SHISAL1: variants seen among roughly 807,000 people sequenced by gnomAD.
SHISAL1 encodes shisa like 1.
A neutral mutation model predicts 22.6 loss-of-function variants in SHISAL1; 9 were observed. That is an observed-to-expected ratio of 0.40 (90% confidence interval 0.24 to 0.70). The LOEUF (loss-of-function observed/expected upper bound fraction) is 0.70. Ranked by LOEUF, SHISAL1 falls within the 30% of genes least tolerant of loss-of-function variation. The probability of loss-of-function intolerance (pLI) is 0.39; values close to 1 mark genes in which losing one functional copy is unlikely to be tolerated. For synonymous variants in SHISAL1, 119 were observed against 115.4 expected, an observed-to-expected ratio of 1.03 and a Z score of -0.20; for missense variants, 246 against 270.6, an observed-to-expected ratio of 0.91 and a Z score of 0.64.
chr22:44,327,321 C>A, the SHISAL1 span, among the ~76,000 whole-genome samples: 2 of 152,098 alleles, frequency 1.3e-5, no homozygotes, highest in Non-Finnish European at 2.9e-5. Context: ...CCTGGTCTGA[C>A]GCTTTCAGAG....
At chr22:44,286,798 C>T (rs2055318928) in intron 3 of SHISAL1, among the ~76,000 whole-genome samples, 2 of 152,202 alleles carry the variant, frequency 1.3e-5, no homozygotes, top group South Asian at 4.1e-4. Context: ...CTTGCCACAG[C>T]AGCTGGAGCT....
chr22:44,255,419 A>G (rs1291642006), intron 4 of SHISAL1, among the ~76,000 whole-genome samples: 4 of 152,186 alleles, frequency 2.6e-5, no homozygotes, highest in African/African-American at 9.7e-5. Flanking sequence ...ACCTCAGGAA[A>G]TACAACTCCA....
intron 4 of SHISAL1, among the ~76,000 whole-genome samples, chr22:44,260,461 C>G (rs1320043668): frequency 6.6e-6 from 1 of 152,154 alleles, no homozygotes; most frequent in Non-Finnish European, 1.5e-5. Context: ...GCGGACAGTG[C>G]CATTAGGCTG....
intron 4 of SHISAL1, among the ~76,000 whole-genome samples, chr22:44,270,027 T>C (rs2147279917): frequency 6.6e-6 from 1 of 152,328 alleles, no homozygotes; most frequent in Non-Finnish European, 1.5e-5. Context: ...AATACTGCTT[T>C]GTGTCCCCCC....
chr22:44,258,076 G>T (rs1466687813), intron 4 of SHISAL1, among the ~76,000 whole-genome samples: 1 of 152,190 alleles, frequency 6.6e-6, no homozygotes, highest in Non-Finnish European at 1.5e-5. Context: ...GGAGGCGGAG[G>T]TTGCGGTGAG....
intron 4 of SHISAL1, among the ~76,000 whole-genome samples, chr22:44,266,823 A>C (rs1055115388): frequency 3.3e-5 from 5 of 152,130 alleles, no homozygotes; most frequent in Admixed American, 6.5e-5. Context: ...GGTCTCCAGG[A>C]AAAACCAAAA....
At chr22:44,290,888 G>T (rs2147294872) in intron 3 of SHISAL1, among the ~76,000 whole-genome samples, 1 of 152,326 alleles carries the variant, frequency 6.6e-6, no homozygotes, top group Admixed American at 6.5e-5. Context: ...CTCGCCCAAG[G>T]TCACACAGCA....
At chr22:44,322,770 T>C in the SHISAL1 span, among the ~76,000 whole-genome samples, 1 of 152,182 alleles carries the variant, frequency 6.6e-6, no homozygotes, top group South Asian at 2.1e-4. Flanking sequence ...CAAAGATTCA[T>C]GCAGCAAAGA....
chr22:44,282,287 T>TGG (rs1278353576), intron 4 of SHISAL1, among the ~76,000 whole-genome samples: 1 of 152,168 alleles, frequency 6.6e-6, no homozygotes, highest in East Asian at 1.9e-4. Context: ...GCAGCCAGGG[T>TGG]GGGAGCCAGG....
intron 3 of SHISAL1, 87 bp downstream of exon 3, chr22:44,296,585 C>G (rs534410431): frequency 8.4e-7 from 1 of 1,188,940 alleles, no homozygotes; most frequent in Non-Finnish European, 1.2e-6. Flanking sequence ...GTTACCCAAC[C>G]GCCTCCCTAG....
the SHISAL1 span, among the ~76,000 whole-genome samples, chr22:44,321,889 C>T: frequency 6.6e-6 from 1 of 152,126 alleles, no homozygotes; most frequent in Non-Finnish European, 1.5e-5. Context: ...TCTGCATGGT[C>T]CCTCCTGGGT....
intron 1 of SHISAL1, among the ~76,000 whole-genome samples, chr22:44,306,391 G>T (rs1422149849): frequency 7.5e-6 from 1 of 134,146 alleles, no homozygotes; most frequent in Non-Finnish European, 1.6e-5. Flanking sequence ...ACTGAGCTCG[G>T]GGAGCTGTGA....
rs748123188 is a variant in SHISAL1, at chr22:44,285,585, G to A, written c.442C>T (p.Arg148Trp). The A allele has an allele frequency of 2.7e-5, 43 of 1,613,780 alleles. No individual in the cohort carries two copies. Among genetic ancestry groups the A allele is most frequent in the South Asian group, 1.8e-4 (16 of 91,092 alleles). Reference protein sequence around the residue: ...QGRWMKQDPRRWGNPARAPRP... With the variant: ...QGRWMKQDPRWWGNPARAPRP... ...GGGGCCCGAGCGGGGTTCCCCCACC[G>A]CCGGGGGTCCTGTTTCATCCATCGT... Residue 148 changes from arginine to tryptophan, a missense_variant, in exon 4 of 5, where the codon CGG becomes TGG. Coordinates refer to ENST00000381176, the MANE Select transcript of SHISAL1 (RefSeq NM_001099294.2).
intron 4 of SHISAL1, among the ~76,000 whole-genome samples, chr22:44,265,209 C>T (rs1179660467): frequency 2.0e-5 from 3 of 152,238 alleles, no homozygotes; most frequent in South Asian, 2.1e-4. Context: ...AGGATGGGGA[C>T]GGAGGCAAGT....
chr22:44,318,261 G>A, the SHISAL1 span, among the ~76,000 whole-genome samples: 5 of 152,262 alleles, frequency 3.3e-5, no homozygotes, highest in Admixed American at 2.6e-4. Flanking sequence ...GCGTAGCATC[G>A]GTCGACATCT....
chr22:44,275,614 C>T lies in SHISAL1; in HGVS notation c.599+9814G>A, dbSNP rs543456255. On this transcript the variant is annotated intron_variant, in intron 4 of 4. Transcript: ENST00000381176. ...TCTCAGGGTTAGCTCTTACAGGAAG[C>T]GAAGTAAAGGCGGAGACGTTGCTCT... is the stretch of plus-strand genomic sequence containing the variant. Among the ~76,000 whole-genome samples, 6 of 152,286 alleles carry T rather than the reference C, an allele frequency of 3.9e-5. No individual in the cohort carries two copies. The South Asian group carries it at 8.3e-4, about 21-fold the overall frequency.
upstream of SHISAL1, among the ~76,000 whole-genome samples, chr22:44,313,770 G>T (rs367825994): frequency 6.2e-4 from 94 of 152,310 alleles, no homozygotes; most frequent in African/African-American, 2.2e-3. Context: ...GCATTTAAAC[G>T]CAGCCATAAA....
Position 44,246,957 on chromosome 22 carries a change from C to G in SHISAL1, c.*2728G>C, listed in dbSNP as rs375444633. ...GCCCAAGAGGGACTTGGCAGAGCAG[C>G]AGGACCACAAACCCCATGGGTTTTT... On this transcript the variant is annotated 3_prime_UTR_variant, in exon 5 of 5. Coordinates refer to ENST00000381176, the MANE Select transcript of SHISAL1 (RefSeq NM_001099294.2). 1 of 152,232 alleles carries G rather than the reference C, an allele frequency of 6.6e-6. No homozygotes were observed. Among genetic ancestry groups the G allele is most frequent in the African/African-American group, 2.4e-5 (1 of 41,500 alleles). The allele number at this position is 152,232 out of a possible 1,614,324, so 9.4% of individuals were successfully genotyped here.
intron 3 of SHISAL1, among the ~76,000 whole-genome samples, chr22:44,289,073 C>A (rs2055335274): frequency 6.6e-6 from 1 of 152,214 alleles, no homozygotes; most frequent in Admixed American, 6.5e-5. Flanking sequence ...TTATAGGCTG[C>A]ATGTCTTGTG....
Sources: allele counts gnomAD v4.1 joint callset (sites outside exome capture counted in the v4.1 genomes callset), GRCh38; gene constraint gnomAD v4.1.1; transcripts MANE v1.5; gene names NCBI Gene and HGNC (gene_info 2026-07-23, HGNC 2026-07-21).